Variants in PCLO observed in about 807,000 individuals in gnomAD.
PCLO encodes piccolo presynaptic cytomatrix protein.
A neutral mutation model predicts 427.5 loss-of-function variants in PCLO; 82 were observed. That is an observed-to-expected ratio of 0.19 (90% CI 0.16 to 0.23). PCLO has a LOEUF of 0.23. PCLO is among the 10% of genes least tolerant of loss of function. The pLI is 1.00. For synonymous variants in PCLO, 2,357 were observed against 2,155.4 expected, an observed-to-expected ratio of 1.09 and a Z score of -2.59; for missense variants, 6,239 against 6,115.9, an observed-to-expected ratio of 1.02 and a Z score of -0.67.
In PCLO at chr7:83,149,027, G is replaced by A. The variant is rs556009651; in HGVS notation, c.1893+5721C>T. 2.6e-3 allele frequency among the ~76,000 whole-genome samples: 399 copies of A among 152,306 alleles called. 2 individuals carry two copies. Among genetic ancestry groups the A allele is most frequent in the African/African-American group, 8.9e-3 (370 of 41,572 alleles). On this transcript the variant is annotated intron_variant, in intron 2 of 24. Transcript: ENST00000333891. ...TTTTGCAATACCCCATTGTGGGAGA[G>A]AAGCATCACCTCCACTTCTATTCTT...
At chr7:82,975,919 G>C (rs1047502268) in intron 3 of PCLO, among the ~76,000 whole-genome samples, 2 of 152,136 alleles carry the variant, frequency 1.3e-5, no homozygotes, top group African/African-American at 2.4e-5. Flanking sequence ...TGCCATGACC[G>C]TAAGTTTCCT....
intron 3 of PCLO, among the ~76,000 whole-genome samples, chr7:83,006,430 GA>G (rs1696566747): frequency 6.6e-6 from 1 of 151,484 alleles, no homozygotes; most frequent in Non-Finnish European, 1.5e-5. Flanking sequence ...TTATGGATTT[GA>G]GAATTACAGA....
At chr7:82,767,034 T>C (rs1348689056) in intron 22 of PCLO, among the ~76,000 whole-genome samples, 1 of 152,186 alleles carries the variant, frequency 6.6e-6, no homozygotes, top group Non-Finnish European at 1.5e-5. Flanking sequence ...GTAATGCTTT[T>C]GTCTTTTGAA....
At chr7:82,882,090 C>T (rs1028877055) in intron 9 of PCLO, among the ~76,000 whole-genome samples, 10 of 151,896 alleles carry the variant, frequency 6.6e-5, no homozygotes, top group Admixed American at 6.6e-4. Flanking sequence ...ATTTGAATGT[C>T]GTGAAAAGAA....
At chr7:82,910,556 T>G (rs1374342022) in intron 7 of PCLO, among the ~76,000 whole-genome samples, 4 of 152,134 alleles carry the variant, frequency 2.6e-5, no homozygotes, top group Non-Finnish European at 5.9e-5. Flanking sequence ...ATATTGTCTT[T>G]TTTTTCCCCT....
intron 2 of PCLO, among the ~76,000 whole-genome samples, chr7:83,154,357 T>C (rs1323574514): frequency 6.6e-6 from 1 of 152,170 alleles, no homozygotes; most frequent in Admixed American, 6.5e-5. Flanking sequence ...CATTGTCCAC[T>C]TTTTTTCTAA....
Position 82,763,573 on chromosome 7 carries a change from G to T in PCLO, c.15008-2080C>A, listed in dbSNP as rs1790472942. On this transcript the variant is annotated intron_variant, in intron 22 of 24. Coordinates refer to ENST00000333891, the MANE Select transcript of PCLO (RefSeq NM_033026.6). ...CATTTTGGGGATATAATTGATAGAT[G>T]TATTCTTTTCTGGATTAAGCAACTG... Among the ~76,000 whole-genome samples, 4 of 151,966 alleles carry T rather than the reference G, an allele frequency of 2.6e-5. No homozygotes were observed. The South Asian group carries it at 8.3e-4, about 31-fold the overall frequency.
At chr7:82,853,966 T>C (rs190385862) in intron 10 of PCLO, among the ~76,000 whole-genome samples, 34 of 152,320 alleles carry the variant, frequency 2.2e-4, no homozygotes, top group Non-Finnish European at 2.5e-4. Flanking sequence ...TGAAGGTTTA[T>C]ATAAGAAATT....
rs1792226544 is a variant in PCLO at position 83,154,821 on chromosome 7, A to C, written c.1820T>G (p.Phe607Cys). ...LLLHVPEKANFNTCTECQTTV... is the reference protein window; with the variant it reads ...LLLHVPEKANCNTCTECQTTV... ...GGTTTGACACTCAGTGCATGTGTTA[A>C]AATTGGCCTTTTCTGGAACATGCAA... The change falls in exon 2 of 25, where the codon TTT (phenylalanine) becomes TGT (cysteine). Residue 607 changes from phenylalanine (F) to cysteine (C), a missense_variant. Physicochemically the swap from Phe to Cys is radical, Grantham distance 205. This residue lies in a region of PCLO where 4,677 missense variants were observed against 4,468.4 expected (regional missense o/e 1.05). Transcript: ENST00000333891. 6.2e-7 allele frequency: 1 copy of C among 1,613,876 alleles called. No individual in the cohort carries two copies. The highest frequency in any genetic ancestry group is 1.7e-5 in the Admixed American group (1 of 59,996).
chr7:83,046,298 A>G (rs1312367305), intron 3 of PCLO, among the ~76,000 whole-genome samples: 1 of 152,102 alleles, frequency 6.6e-6, no homozygotes, highest in Non-Finnish European at 1.5e-5. Flanking sequence ...ATGTCTAACT[A>G]TACCATTTTC....
chr7:82,984,163 A>AC (rs145097460), intron 3 of PCLO, among the ~76,000 whole-genome samples: 11,201 of 152,076 alleles, frequency 0.074, 1,403 homozygotes, highest in African/African-American at 0.26. Flanking sequence ...TTCAATACTT[A>AC]ACTAATCAAG....
At position 82,949,637 on chromosome 7, in the gene PCLO, T is replaced by C. The variant is rs764596081; in HGVS notation, c.10951A>G (p.Ile3651Val). The C allele has an allele frequency of 8.7e-6, 14 of 1,613,884 alleles. No individual in the cohort carries two copies. The highest frequency in any genetic ancestry group is 4.5e-5 in the East Asian group (2 of 44,862). The change falls in exon 6 of 25, where the codon ATA becomes GTA. Residue 3651 changes from isoleucine (I) to valine (V), a missense_variant. By Grantham distance (29) the Ile-to-Val change is conservative. Transcript: ENST00000333891. Reference sequence around the variant, plus strand: ...GGATGCAGTACTTTCTGTGGACTTATATCATCAGGGAGGGGTTTTTCATAA... The same window carrying C: ...GGATGCAGTACTTTCTGTGGACTTACATCATCAGGGAGGGGTTTTTCATAA... ...VPYEKPLPDD[I>V]SPQKVLHPDM...
intron 22 of PCLO, among the ~76,000 whole-genome samples, chr7:82,776,646 T>A (rs1790756636): frequency 6.6e-6 from 1 of 152,006 alleles, no homozygotes; most frequent in African/African-American, 2.4e-5. Context: ...AATACAAAAA[T>A]TAGCTGGCTG....
chr7:83,093,490 A>ATTTT (rs1339244676), intron 3 of PCLO, among the ~76,000 whole-genome samples: 24 of 66,000 alleles, frequency 3.6e-4, no homozygotes, highest in Non-Finnish European at 5.4e-4. Context: ...ATATATATAT[A>ATTTT]TATTTTTTTT....
In PCLO at chr7:82,825,159, T is replaced by C. The variant is rs1274247291; in HGVS notation, c.14416-743A>G. Among the ~76,000 whole-genome samples, 3 of 152,174 alleles carry C rather than the reference T, an allele frequency of 2.0e-5. No individual in the cohort carries two copies. The East Asian group carries it at 5.8e-4, about 29-fold the overall frequency. On this transcript the variant is annotated intron_variant, in intron 18 of 24. Transcript: ENST00000333891. ...GGGATATGACTACCACATTTTGTCA[T>C]GGTTTAATTGGCAACTTTTTTTTTC...
At chr7:83,053,968 G>A (rs891882204) in intron 3 of PCLO, among the ~76,000 whole-genome samples, 2 of 151,856 alleles carry the variant, frequency 1.3e-5, no homozygotes, top group African/African-American at 2.4e-5. Context: ...ACAAATTCTT[G>A]TAGACCATTA....
At position 82,950,164 on chromosome 7, in the gene PCLO, T is replaced by C; in HGVS notation, c.10424A>G (p.Asp3475Gly). 6.2e-7 allele frequency: 1 copy of C among 1,611,144 alleles called. No individual in the cohort carries two copies. Among genetic ancestry groups the C allele is most frequent in the Non-Finnish European group, 8.5e-7 (1 of 1,179,410 alleles). The change falls in exon 6 of 25, where the codon GAT (aspartate) becomes GGT (glycine). Residue 3475 changes from aspartate (D) to glycine (G), a missense_variant. By Grantham distance (94) the Asp-to-Gly change is moderately conservative (BLOSUM62 -1). Around this residue, in one of 5 missense-constraint regions of PCLO, gnomAD observed 4,677 missense variants for 4,468.4 expected, o/e 1.05. Coordinates refer to ENST00000333891, the MANE Select transcript of PCLO (RefSeq NM_033026.6). ...ATCCCACTCATCCTGATCTTCATCATCAGTTTGGACGCTTGTATCCACACT... is the reference window on the plus strand; with the variant it reads ...ATCCCACTCATCCTGATCTTCATCACCAGTTTGGACGCTTGTATCCACACT... ...KKSVDTSVQT[D>G]DEDQDEWDMP...
intron 10 of PCLO, among the ~76,000 whole-genome samples, chr7:82,856,441 G>A (rs2115880367): frequency 6.6e-6 from 1 of 152,160 alleles, no homozygotes; most frequent in East Asian, 1.9e-4. Flanking sequence ...TTTCCTTGAA[G>A]GATTGGTATA....
At chr7:82,878,650 T>C (rs548328807) in intron 10 of PCLO, among the ~76,000 whole-genome samples, 1 of 152,196 alleles carries the variant, frequency 6.6e-6, no homozygotes, top group Admixed American at 6.5e-5. Flanking sequence ...TATGGCCCAT[T>C]ATCTCCTACT....
Sources: gnomAD v4.1 joint callset for allele counts (sites outside exome capture counted in the v4.1 genomes callset) on GRCh38, gnomAD v4.1.1 for gene constraint, gnomAD v4.1.1 regional missense constraint, MANE v1.5 for transcripts, NCBI Gene and HGNC (gene_info 2026-07-23, HGNC 2026-07-21) for gene names.